SIPA1L1: variants seen among roughly 807,000 people sequenced by gnomAD.
SIPA1L1 encodes the protein signal-induced proliferation-associated 1-like protein 1.
SIPA1L1 carries 26 observed loss-of-function variants against 162.7 expected under a neutral mutation model. That is an observed-to-expected ratio of 0.16 (90% CI 0.12 to 0.22). The LOEUF (loss-of-function observed/expected upper bound fraction) is 0.22. Ranked by LOEUF, SIPA1L1 falls within the 10% of genes least tolerant of loss-of-function variation. SIPA1L1 has a pLI of 1.00. For synonymous variants in SIPA1L1, 829 were observed against 837.4 expected, an observed-to-expected ratio of 0.99 and a Z score of 0.17; for missense variants, 1,874 against 2,241.0, an observed-to-expected ratio of 0.84 and a Z score of 3.31.
intron 2 of SIPA1L1, among the ~76,000 whole-genome samples, chr14:71,439,852 A>C (rs2044694283): frequency 6.6e-6 from 1 of 152,170 alleles, no homozygotes; most frequent in Non-Finnish European, 1.5e-5. Context: ...AGAGGTGATG[A>C]ATCACTTGGC....
intron 5 of SIPA1L1, among the ~76,000 whole-genome samples, chr14:71,597,787 A>C (rs1236968851): frequency 6.6e-6 from 1 of 152,126 alleles, no homozygotes; most frequent in African/African-American, 2.4e-5. Flanking sequence ...AGGGTTATGC[A>C]ACCCTCTGAA....
At chr14:71,738,382 T>C in intron 23 of SIPA1L1, 57 bp downstream of exon 23, 2 of 1,177,948 alleles carry the variant, frequency 1.7e-6, no homozygotes, top group Non-Finnish European at 2.5e-6. Flanking sequence ...CCTTGAACCA[T>C]GAGAGCCCTT....
At chr14:71,622,797 G>A (rs551268168) in intron 6 of SIPA1L1, among the ~76,000 whole-genome samples, 24 of 152,120 alleles carry the variant, frequency 1.6e-4, no homozygotes, top group African/African-American at 5.3e-4. Context: ...GTCCCCCTAC[G>A]AACACGTCCT....
chr14:71,491,761 A>AACACACACACACACACACAC (rs59275638), intron 2 of SIPA1L1, among the ~76,000 whole-genome samples: 101 of 97,940 alleles, frequency 1.0e-3, no homozygotes, highest in African/African-American at 1.9e-3. Flanking sequence ...TTTTATTTCA[A>AACACACACACACACACACAC]ACACACACAC....
At chr14:71,416,781 A>G (rs1236690574) in intron 2 of SIPA1L1, among the ~76,000 whole-genome samples, 2 of 152,008 alleles carry the variant, frequency 1.3e-5, no homozygotes. Flanking sequence ...CCTTGTATAT[A>G]TATAGTTTTA....
At chr14:71,336,602 A>AG (rs2035118011) in intron 2 of SIPA1L1, among the ~76,000 whole-genome samples, 1 of 152,242 alleles carries the variant, frequency 6.6e-6, no homozygotes, top group Non-Finnish European at 1.5e-5. Context: ...CACAGAAACT[A>AG]CAACCTGTGC....
At chr14:71,500,838 C>T (rs2050150759) in intron 2 of SIPA1L1, among the ~76,000 whole-genome samples, 1 of 151,764 alleles carries the variant, frequency 6.6e-6, no homozygotes, top group Admixed American at 6.6e-5. Context: ...GAAACCCCAT[C>T]TCTACTAAAA....
At chr14:71,637,660 G>A (rs1442428858) in intron 7 of SIPA1L1, among the ~76,000 whole-genome samples, 1 of 151,994 alleles carries the variant, frequency 6.6e-6, no homozygotes, top group East Asian at 1.9e-4. Flanking sequence ...GAAGTTGGAG[G>A]CTTCAGTGAA....
At chr14:71,641,444 C>T (rs919325701) in intron 7 of SIPA1L1, among the ~76,000 whole-genome samples, 9 of 152,020 alleles carry the variant, frequency 5.9e-5, no homozygotes, top group African/African-American at 1.4e-4. Flanking sequence ...AAGTAGAGGC[C>T]GGGCGTGGTG....
At chr14:71,507,047 A>G (rs2050734674) in intron 2 of SIPA1L1, among the ~76,000 whole-genome samples, 1 of 152,100 alleles carries the variant, frequency 6.6e-6, no homozygotes. Context: ...TTTTAAGCCA[A>G]ATGTGCAGAG....
intron 2 of SIPA1L1, among the ~76,000 whole-genome samples, chr14:71,408,992 A>G (rs2042220181): frequency 6.6e-6 from 1 of 151,988 alleles, no homozygotes. Context: ...ATGTCGAGGA[A>G]CTCGTGCTTA....
intron 22 of SIPA1L1, 110 bp from the exon 23 acceptor site, chr14:71,738,131 A>G (rs1454505439): frequency 1.7e-6 from 1 of 597,580 alleles, no homozygotes; most frequent in Non-Finnish European, 2.9e-6. Flanking sequence ...TGACATTGAA[A>G]ACCATTTTAT....
chr14:71,701,441 C>G (rs963543883), intron 14 of SIPA1L1, among the ~76,000 whole-genome samples: 14 of 150,312 alleles, frequency 9.3e-5, no homozygotes, highest in African/African-American at 3.2e-4. Context: ...GGTCTTGACT[C>G]TTGTCTTCAA....
intron 2 of SIPA1L1, among the ~76,000 whole-genome samples, chr14:71,480,929 T>G (rs2048308686): frequency 6.6e-6 from 1 of 152,168 alleles, no homozygotes; most frequent in African/African-American, 2.4e-5. Context: ...ACTAAAAAAA[T>G]TAACAATTTA....
intron 2 of SIPA1L1, among the ~76,000 whole-genome samples, chr14:71,406,044 A>G (rs906824631): frequency 1.3e-5 from 2 of 152,216 alleles, no homozygotes; most frequent in Admixed American, 6.5e-5. Context: ...TCGAGAGATA[A>G]CAATGGCTTC....
intron 2 of SIPA1L1, among the ~76,000 whole-genome samples, chr14:71,446,280 T>G (rs1441936893): frequency 6.6e-6 from 1 of 152,232 alleles, no homozygotes; most frequent in Non-Finnish European, 1.5e-5. Context: ...TATTTTTTTC[T>G]TATATTTCTT....
In SIPA1L1 at chr14:71,739,343, A is replaced by G. The variant is rs2085606453; in HGVS notation, c.*182A>G. 4 of 418,342 alleles carry G rather than the reference A, an allele frequency of 9.6e-6. No individual in the cohort carries two copies. In the South Asian group the frequency reaches 4.7e-4, roughly 49 times the overall value. 25.9% of individuals were successfully genotyped at this position (418,342 alleles called of 1,614,324 possible). On this transcript the variant is annotated 3_prime_UTR_variant, in exon 24 of 24. Coordinates refer to ENST00000381232, the MANE Select transcript of SIPA1L1 (RefSeq NM_001386936.1). Reference sequence around the variant, plus strand: ...ACAATCATCACCTGCCTTTTGTAGAAAAGAAAAACAAAAAAAGTAAATAAA... The same window carrying G: ...ACAATCATCACCTGCCTTTTGTAGAGAAGAAAAACAAAAAAAGTAAATAAA...
At position 71,624,245 on chromosome 14, in the gene SIPA1L1, G is replaced by T; in HGVS notation, c.1818+9G>T. On this transcript the variant is annotated intron_variant, in intron 7 of 23. Transcript: ENST00000381232. ...AACTGGATGAACAAGGGGTGAGTTT[G>T]CCTTTCTGAGGAGAGCATTCTTGCT... 1 of 1,603,502 alleles carries T rather than the reference G, an allele frequency of 6.2e-7. No individual in the cohort carries two copies. Among genetic ancestry groups the T allele is most frequent in the Non-Finnish European group, 8.5e-7 (1 of 1,173,124 alleles).
At position 71,662,874 on chromosome 14, in the gene SIPA1L1, T is replaced by C. The variant is rs1421822240; in HGVS notation, c.2255+1407T>C. On this transcript the variant is annotated intron_variant, in intron 10 of 23. Coordinates refer to ENST00000381232, the MANE Select transcript of SIPA1L1 (RefSeq NM_001386936.1). ...GACTATAATTGGGATGGATAACTAT[T>C]TGCATTTAGAAAATACTCTGAGCAG... 2.6e-5 allele frequency among the ~76,000 whole-genome samples: 4 copies of C among 152,204 alleles called. No homozygotes were observed. In the East Asian group the frequency reaches 7.7e-4, roughly 29 times the overall value.
Sources: gnomAD v4.1 joint callset for allele counts (sites outside exome capture counted in the v4.1 genomes callset) on GRCh38, gnomAD v4.1.1 for gene constraint, MANE v1.5 for transcripts, NCBI Gene and HGNC (gene_info 2026-07-23, HGNC 2026-07-21) for gene names.